The following SLC2A14 variants were observed in gnomAD, a reference collection of about 807,000 sequenced individuals.
SLC2A14 encodes solute carrier family 2, facilitated glucose transporter member 14.
Under a neutral mutation model 43.0 loss-of-function variants are expected in SLC2A14, and 13 were observed. The ratio of observed to expected loss-of-function variants is 0.30; its 90% CI spans 0.20 to 0.48. The LOEUF is 0.48. Ranked by LOEUF, SLC2A14 falls within the 20% of genes least tolerant of loss-of-function variation. The pLI is 0.99. For synonymous variants in SLC2A14, 190 were observed against 233.8 expected, an observed-to-expected ratio of 0.81 and a Z score of 1.71; for missense variants, 428 against 620.4, an observed-to-expected ratio of 0.69 and a Z score of 3.29.
chr12:7,863,504 G>GGC, intron 2 of SLC2A14: 1 of 425,032 alleles, frequency 2.4e-6, no homozygotes, highest in Non-Finnish European at 4.7e-6. Flanking sequence ...GTGCATGCCT[G>GGC]TAGTCCCAGC....
chr12:7,822,944 C>T (rs2120701567), intron 7 of SLC2A14, among the ~76,000 whole-genome samples: 1 of 152,316 alleles, frequency 6.6e-6, no homozygotes, highest in African/African-American at 2.4e-5. Flanking sequence ...CCTTATCCTG[C>T]TCCTTGAATA....
At chr12:7,845,173 A>G (rs1465729471) in intron 2 of SLC2A14, among the ~76,000 whole-genome samples, 2 of 152,076 alleles carry the variant, frequency 1.3e-5, no homozygotes, top group East Asian at 1.9e-4. Flanking sequence ...GCCCAGGACT[A>G]TCTCAGTTTT....
At chr12:7,815,781 G>A (rs774204748) in intron 10 of SLC2A14, among the ~76,000 whole-genome samples, 3 of 152,018 alleles carry the variant, frequency 2.0e-5, no homozygotes, top group African/African-American at 4.8e-5. Flanking sequence ...TTTCCATGTT[G>A]GTCAGGCTGG....
intron 7 of SLC2A14, among the ~76,000 whole-genome samples, chr12:7,821,917 C>T (rs1258223839): frequency 6.6e-6 from 1 of 151,206 alleles, no homozygotes; most frequent in Non-Finnish European, 1.5e-5. Context: ...CTCTACCTCC[C>T]GGGTTCAAGC....
At chr12:7,840,958 G>T (rs773941639) in intron 2 of SLC2A14, among the ~76,000 whole-genome samples, 2 of 149,246 alleles carry the variant, frequency 1.3e-5, no homozygotes, top group African/African-American at 2.6e-5. Context: ...GCGCTAAGTC[G>T]GCGATGATGC....
chr12:7,873,296 T>A (rs1326467780), upstream of SLC2A14: 1 of 985,388 alleles, frequency 1.0e-6, no homozygotes. Context: ...GCCCGGGCTA[T>A]CCCCGCGGGC....
At chr12:7,881,810 T>C (rs2121108481) in intron 1 of SLC2A14, among the ~76,000 whole-genome samples, 1 of 152,304 alleles carries the variant, frequency 6.6e-6, no homozygotes, top group African/African-American at 2.4e-5. Context: ...CGGCACTCTG[T>C]ATCTAGCTCA....
chr12:7,820,377 T>C (rs1863813295), intron 8 of SLC2A14, among the ~76,000 whole-genome samples: 1 of 152,142 alleles, frequency 6.6e-6, no homozygotes, highest in African/African-American at 2.4e-5. Flanking sequence ...GATCTACAGC[T>C]GGTGAGTCAG....
At chr12:7,831,515 G>T in intron 4 of SLC2A14, 89 bp downstream of exon 4, 1 of 1,552,646 alleles carries the variant, frequency 6.4e-7, no homozygotes, top group Non-Finnish European at 8.7e-7. Flanking sequence ...CTTATTCAAA[G>T]GCATCATCAC....
intron 1 of SLC2A14, chr12:7,890,870 A>G: frequency 3.7e-6 from 4 of 1,078,312 alleles, no homozygotes; most frequent in Non-Finnish European, 5.0e-6. Flanking sequence ...GGTGGCCTTG[A>G]CAGCCCCCAC....
intron 2 of SLC2A14, among the ~76,000 whole-genome samples, chr12:7,847,939 C>T (rs909565232): frequency 6.6e-6 from 1 of 151,960 alleles, no homozygotes; most frequent in Non-Finnish European, 1.5e-5. Flanking sequence ...GAGGCATTGC[C>T]CACAGTTAGA....
chr12:7,853,222 T>C (rs1217307102), intron 2 of SLC2A14, among the ~76,000 whole-genome samples: 1 of 151,780 alleles, frequency 6.6e-6, no homozygotes, highest in Admixed American at 6.6e-5. Flanking sequence ...GGATGGATCA[T>C]GAGGTCAGGA....
intron 2 of SLC2A14, among the ~76,000 whole-genome samples, chr12:7,833,780 T>TC: frequency 1.6e-5 from 1 of 61,642 alleles, no homozygotes; most frequent in East Asian, 3.5e-4. Context: ...AGACTCTGTC[T>TC]CAAAAAAAAA....
At chr12:7,881,568 C>T (rs1945573922) in intron 1 of SLC2A14, among the ~76,000 whole-genome samples, 1 of 152,130 alleles carries the variant, frequency 6.6e-6, no homozygotes, top group Non-Finnish European at 1.5e-5. Context: ...CCTCCCCGCT[C>T]CACCTCCGTG....
rs770988869 is a variant in SLC2A14, at chr12:7,853,530, A to T, written c.18+16333T>A. Among the ~76,000 whole-genome samples, 7 of 151,886 alleles carry T rather than the reference A, an allele frequency of 4.6e-5. No homozygotes were observed. In the East Asian group the frequency reaches 1.2e-3, roughly 25 times the overall value. On this transcript the variant is annotated intron_variant, in intron 2 of 10. Coordinates refer to ENST00000431042, the MANE Select transcript of SLC2A14 (RefSeq NM_001286234.2). Reference sequence around the variant, plus strand: ...CAGGAGAATCTCTTGAACCCAGGAGACAGAGGTTGCAGTGAGCCAAGATCT... The same window carrying T: ...CAGGAGAATCTCTTGAACCCAGGAGTCAGAGGTTGCAGTGAGCCAAGATCT...
intron 2 of SLC2A14, among the ~76,000 whole-genome samples, chr12:7,859,016 G>T (rs1328493954): frequency 6.6e-6 from 1 of 152,056 alleles, no homozygotes; most frequent in East Asian, 1.9e-4. Flanking sequence ...TTGGCATACA[G>T]TTATCCTCTT....
chr12:7,867,418 G>C (rs994062407), intron 2 of SLC2A14, among the ~76,000 whole-genome samples: 1 of 152,120 alleles, frequency 6.6e-6, no homozygotes, highest in African/African-American at 2.4e-5. Flanking sequence ...CTTAAGTGGA[G>C]GAAGTAACTG....
intron 7 of SLC2A14, among the ~76,000 whole-genome samples, chr12:7,822,618 G>A (rs61937221): frequency 0.24 from 35,321 of 149,616 alleles, 4,519 homozygotes; most frequent in East Asian, 0.41. Context: ...GCAGTGAGCC[G>A]AGATGGTGCC....
chr12:7,834,498 C>T (rs1012765317), intron 2 of SLC2A14, among the ~76,000 whole-genome samples: 8 of 149,648 alleles, frequency 5.3e-5, no homozygotes, highest in African/African-American at 1.7e-4. Context: ...AGAGACCAGC[C>T]TGGACAACAC....
Sources: gnomAD v4.1 joint callset for allele counts (sites outside exome capture counted in the v4.1 genomes callset) on GRCh38, gnomAD v4.1.1 for gene constraint, MANE v1.5 for transcripts, NCBI Gene and HGNC (gene_info 2026-07-23, HGNC 2026-07-21) for gene names.